The following PAX5 variants were observed in gnomAD, a reference collection of about 807,000 sequenced individuals.
PAX5 encodes the protein paired box 5.
Under a neutral mutation model 43.7 loss-of-function variants are expected in PAX5, and 9 were observed. The observed-to-expected ratio is 0.21, with a 90% confidence interval of 0.12 to 0.36. PAX5 has a LOEUF of 0.36. Ranked by LOEUF, PAX5 falls within the 10% of genes least tolerant of loss-of-function variation. The probability of loss-of-function intolerance (pLI) is 1.00; values close to 1 mark genes in which losing one functional copy is unlikely to be tolerated. For synonymous variants in PAX5, 228 were observed against 214.3 expected (o/e 1.06, Z -0.56); for missense variants, 383 against 532.7 (o/e 0.72, Z 2.77).
chr9:37,021,363 AC>A (rs949109672), intron 1 of PAX5, among the ~76,000 whole-genome samples: 134 of 152,318 alleles, frequency 8.8e-4, no homozygotes, highest in African/African-American at 3.2e-3. Flanking sequence ...AGAAAAAAAA[AC>A]AACCATTGCC....
chr9:36,979,599 C>T (rs1220302436), intron 5 of PAX5, among the ~76,000 whole-genome samples: 2 of 152,154 alleles, frequency 1.3e-5, no homozygotes, highest in Non-Finnish European at 1.5e-5. Flanking sequence ...GATTACGATT[C>T]CCATTTTGCA....
At position 36,846,448 on chromosome 9, in the gene PAX5, A is replaced by G. The variant is rs147179959; in HGVS notation, c.1099+395T>C. 1.9e-3 allele frequency among the ~76,000 whole-genome samples: 287 copies of G among 152,234 alleles called. 1 individual carries two copies. Among genetic ancestry groups the G allele is most frequent in the African/African-American group, 6.5e-3 (268 of 41,548 alleles). ...GGTGGTCTCCAGGCAGCCACTACCA[A>G]TCGATTCAAGTTGGTATCTTTACTG... On this transcript the variant is annotated intron_variant, in intron 9 of 9. Coordinates refer to ENST00000358127, the MANE Select transcript of PAX5 (RefSeq NM_016734.3).
chr9:37,005,732 C>T (rs983714172), intron 4 of PAX5, among the ~76,000 whole-genome samples: 2 of 152,230 alleles, frequency 1.3e-5, no homozygotes, highest in Non-Finnish European at 2.9e-5. Flanking sequence ...TAAATCATTG[C>T]CCACTTTCTT....
At chr9:36,997,942 GC>G (rs1160483622) in intron 5 of PAX5, among the ~76,000 whole-genome samples, 5 of 152,218 alleles carry the variant, frequency 3.3e-5, no homozygotes, top group African/African-American at 1.2e-4. Context: ...GGCCACCCAG[GC>G]TAGAACAGGC....
chr9:37,013,501 A>G (rs187282478), intron 3 of PAX5, among the ~76,000 whole-genome samples: 157 of 152,306 alleles, frequency 1.0e-3, no homozygotes, highest in African/African-American at 3.6e-3. Flanking sequence ...AGAGCAGGCC[A>G]GCTGCCTGTC....
chr9:36,843,325 C>T (rs916901581), intron 9 of PAX5, among the ~76,000 whole-genome samples: 4 of 152,124 alleles, frequency 2.6e-5, no homozygotes, highest in Admixed American at 2.0e-4. Flanking sequence ...TGGGGCAGGG[C>T]GGGCCGGGAG....
Position 36,840,640 on chromosome 9 carries a change from G to C in PAX5, c.1100-4C>G. ...GCGCTATAATAGTAGGGGGAGCCTGGAAGAGACGGGAGAGAGCACCGAGGT... is the reference window on the plus strand; with the variant it reads ...GCGCTATAATAGTAGGGGGAGCCTGCAAGAGACGGGAGAGAGCACCGAGGT... On this transcript the variant is annotated splice_polypyrimidine_tract_variant and splice_region_variant and intron_variant, in intron 9 of 9. Transcript: ENST00000358127. 6.4e-7 allele frequency: 1 copy of C among 1,555,094 alleles called. No homozygotes were observed. The highest frequency in any genetic ancestry group is 8.7e-7 in the Non-Finnish European group (1 of 1,146,978).
chr9:36,966,425 A>G (rs1176441164), intron 6 of PAX5, 124 bp downstream of exon 6: 33 of 1,018,932 alleles, frequency 3.2e-5, no homozygotes, highest in Non-Finnish European at 4.7e-5. Context: ...AACACTGAAG[A>G]GACCTCTCTG....
intron 8 of PAX5, among the ~76,000 whole-genome samples, chr9:36,881,348 C>G (rs1587854778): frequency 6.6e-6 from 1 of 152,234 alleles, no homozygotes; most frequent in African/African-American, 2.4e-5. Context: ...AAAGAATACT[C>G]GGGTATTCCT....
intron 8 of PAX5, among the ~76,000 whole-genome samples, chr9:36,881,799 C>T (rs899103486): frequency 2.0e-4 from 30 of 152,068 alleles, no homozygotes; most frequent in African/African-American, 7.2e-4. Context: ...ACCCTCCCCT[C>T]GCCCCCGGTG....
chr9:36,901,398 C>A (rs1039084499), intron 7 of PAX5, among the ~76,000 whole-genome samples: 32 of 152,144 alleles, frequency 2.1e-4, no homozygotes, highest in African/African-American at 7.5e-4. Context: ...CGGGAAGTGG[C>A]CCCCGTTGTG....
chr9:36,899,278 A>T (rs761197247), intron 7 of PAX5, among the ~76,000 whole-genome samples: 2 of 152,184 alleles, frequency 1.3e-5, no homozygotes, highest in African/African-American at 2.4e-5. Flanking sequence ...TCTCAGAGCC[A>T]TGCTGCTCCA....
Position 36,835,809 on chromosome 9 carries a change from G to A in PAX5, c.*4751C>T, listed in dbSNP as rs372198337. The A allele has an allele frequency of 5.1e-5, 12 of 233,318 alleles. 1 individual carries two copies. Among genetic ancestry groups the A allele is most frequent in the Middle Eastern group, 2.5e-3 (2 of 786 alleles). The allele number at this position is 233,318 out of a possible 1,614,324, so 14.5% of individuals were successfully genotyped here. On this transcript the variant is annotated 3_prime_UTR_variant, in exon 10 of 10. Transcript: ENST00000358127. ...GAACTGGCCTCGTAGTGGGGCCACCGTGGAGCCGGTCTAGCTCAGAGCCCT... is the reference window on the plus strand; with the variant it reads ...GAACTGGCCTCGTAGTGGGGCCACCATGGAGCCGGTCTAGCTCAGAGCCCT...
At chr9:36,929,796 G>A (rs1349643474) in intron 6 of PAX5, among the ~76,000 whole-genome samples, 3 of 152,086 alleles carry the variant, frequency 2.0e-5, no homozygotes, top group Non-Finnish European at 4.4e-5. Flanking sequence ...GTGCAATCTC[G>A]GCTCACTGCA....
chr9:36,923,167 T>C (rs759944577), intron 7 of PAX5, 188 bp downstream of exon 7: 1 of 607,414 alleles, frequency 1.6e-6, no homozygotes, highest in Non-Finnish European at 2.8e-6. Context: ...GTTGGAATCA[T>C]ATCCAGCCAT....
chr9:36,901,513 A>G (rs1013956114), intron 7 of PAX5, among the ~76,000 whole-genome samples: 1 of 152,206 alleles, frequency 6.6e-6, no homozygotes, highest in African/African-American at 2.4e-5. Context: ...ACCCACGTGC[A>G]TGATTTCATT....
chr9:37,018,927 GA>G (rs1269409732), intron 2 of PAX5, among the ~76,000 whole-genome samples: 1 of 152,124 alleles, frequency 6.6e-6, no homozygotes, highest in Non-Finnish European at 1.5e-5. Flanking sequence ...TGTCCCCTCT[GA>G]AAAAGGCTCA....
At chr9:37,021,323 T>C (rs935220284) in intron 1 of PAX5, among the ~76,000 whole-genome samples, 1 of 152,154 alleles carries the variant, frequency 6.6e-6, no homozygotes. Context: ...AGGAATTTTT[T>C]AAAAATTTAA....
At chr9:36,995,333 GC>G (rs1837302958) in intron 5 of PAX5, among the ~76,000 whole-genome samples, 1 of 152,230 alleles carries the variant, frequency 6.6e-6, no homozygotes, top group Non-Finnish European at 1.5e-5. Context: ...CAGGTGGCAG[GC>G]CCTGAGTGGG....
Sources: gnomAD v4.1 joint callset for allele counts (sites outside exome capture counted in the v4.1 genomes callset) on GRCh38, gnomAD v4.1.1 for gene constraint, MANE v1.5 for transcripts, NCBI Gene and HGNC (gene_info 2026-07-23, HGNC 2026-07-21) for gene names.